Variants in ELAVL1 observed in about 807,000 individuals in gnomAD.
ELAVL1 encodes ELAV like RNA binding protein 1.
ELAVL1 carries 1 observed loss-of-function variant against 28.4 expected under a neutral mutation model. The observed-to-expected ratio is 0.04, with a 90% CI of 0.01 to 0.17. The LOEUF (loss-of-function observed/expected upper bound fraction) is 0.17, where lower values mean the gene tolerates loss of function less well. Among genes scored for constraint, ELAVL1 ranks in the 10% least tolerant of loss-of-function variants. The pLI is 1.00. For missense variants in ELAVL1, 157 were observed against 447.2 expected (o/e 0.35, Z 5.85); for synonymous variants, 174 against 183.5 (o/e 0.95, Z 0.42).
chr19:7,972,341 C>T (rs1335025978), intron 4 of ELAVL1, among the ~76,000 whole-genome samples: 2 of 152,352 alleles, frequency 1.3e-5, no homozygotes, highest in African/African-American at 2.4e-5. Context: ...GCAGTAGGGC[C>T]GGAGCACAGC....
rs950541069 is a variant in ELAVL1 at position 7,960,229 on chromosome 19, C to G, written c.*3254G>C. ...CCAAAGGGCCGGTCTTGGCTCCCAA[C>G]AGCAGCACGGTTCAGTCCCTGGAGG... On this transcript the variant is annotated 3_prime_UTR_variant, in exon 6 of 6. Coordinates refer to ENST00000407627, the MANE Select transcript of ELAVL1 (RefSeq NM_001419.3). The G allele has an allele frequency of 6.6e-6, 1 of 152,250 alleles. No individual in the cohort carries two copies. Among genetic ancestry groups the G allele is most frequent in the Admixed American group, 6.5e-5 (1 of 15,284 alleles). 9.4% of individuals were successfully genotyped at this position (152,250 alleles called of 1,614,324 possible).
chr19:7,978,784 G>A (rs1247729479), intron 3 of ELAVL1, among the ~76,000 whole-genome samples: 4 of 152,114 alleles, frequency 2.6e-5, no homozygotes, highest in African/African-American at 9.7e-5. Flanking sequence ...AGGTGAGGGC[G>A]GTCTTGTTGG....
At chr19:7,993,899 G>A (rs1032229808) in intron 1 of ELAVL1, among the ~76,000 whole-genome samples, 12 of 152,070 alleles carry the variant, frequency 7.9e-5, no homozygotes, top group Non-Finnish European at 1.3e-4. Context: ...CTGAATCAAC[G>A]CCGAGGGAAG....
Position 7,962,046 on chromosome 19 carries a change from C to T in ELAVL1, c.*1437G>A, listed in dbSNP as rs1984827008. On this transcript the variant is annotated 3_prime_UTR_variant, in exon 6 of 6. Coordinates refer to ENST00000407627, the MANE Select transcript of ELAVL1 (RefSeq NM_001419.3). The stretch of plus-strand genomic sequence containing the variant: ...CCAGTCCTGAGGAGTTTTGGGTGAT[C>T]TGGCCCTGCCTATTTCACAGGCTTT... 1 of 153,616 alleles carries T rather than the reference C, an allele frequency of 6.5e-6. No homozygotes were observed. Among genetic ancestry groups the T allele is most frequent in the Admixed American group, 6.5e-5 (1 of 15,276 alleles). 9.5% of individuals were successfully genotyped at this position (153,616 alleles called of 1,614,324 possible).
In ELAVL1 at chr19:7,982,309, T is replaced by A. The variant is rs1985485928; in HGVS notation, c.173-1123A>T. Among the ~76,000 whole-genome samples, 1 of 152,040 alleles carries A rather than the reference T, an allele frequency of 6.6e-6. No individual in the cohort carries two copies. Among genetic ancestry groups the A allele is most frequent in the Non-Finnish European group, 1.5e-5 (1 of 67,990 alleles). ...CATGCACTTGCAAGGCTGCTGAACATCTGCTGTGGGCCTGAGCCTCACCCA... is the reference window on the plus strand; with the variant it reads ...CATGCACTTGCAAGGCTGCTGAACAACTGCTGTGGGCCTGAGCCTCACCCA... On this transcript the variant is annotated intron_variant, in intron 2 of 5. Transcript: ENST00000407627. This position sits in a 1 kb window ranked among gnomAD's most constrained non-coding sequence, Gnocchi z 4.3.
rs1433748749 is a variant in ELAVL1 at position 7,958,661 on chromosome 19, G to A, written c.*4822C>T. On this transcript the variant is annotated 3_prime_UTR_variant, in exon 6 of 6. Coordinates refer to ENST00000407627, the MANE Select transcript of ELAVL1 (RefSeq NM_001419.3). ...AGCGTTTAACACGAACCTGATACCTGTAGAAAGAACTGAGTATCGGGACAA... is the reference window on the plus strand; with the variant it reads ...AGCGTTTAACACGAACCTGATACCTATAGAAAGAACTGAGTATCGGGACAA... 6.6e-6 allele frequency: 1 copy of A among 152,278 alleles called. No homozygotes were observed. Among genetic ancestry groups the A allele is most frequent in the Non-Finnish European group, 1.5e-5 (1 of 68,036 alleles). 9.4% of individuals were successfully genotyped at this position (152,278 alleles called of 1,614,324 possible).
intron 2 of ELAVL1, among the ~76,000 whole-genome samples, chr19:7,991,342 T>G (rs1568315577): frequency 6.6e-6 from 1 of 152,216 alleles, no homozygotes; most frequent in Non-Finnish European, 1.5e-5. Context: ...GGTCAGGCTG[T>G]GGTTCTCCAG....
intron 1 of ELAVL1, among the ~76,000 whole-genome samples, chr19:8,003,982 C>T (rs1445844353): frequency 2.0e-5 from 3 of 152,164 alleles, no homozygotes; most frequent in East Asian, 3.9e-4. Context: ...GGTTTTGAAT[C>T]AGAGGGCCCG....
intron 1 of ELAVL1, among the ~76,000 whole-genome samples, chr19:7,999,057 C>A (rs955411577): frequency 6.6e-6 from 1 of 152,210 alleles, no homozygotes; most frequent in African/African-American, 2.4e-5. Context: ...AGCCACTACA[C>A]CAGGCTGGCT....
At chr19:7,992,895 C>T (rs535431793) in intron 1 of ELAVL1, among the ~76,000 whole-genome samples, 4 of 152,324 alleles carry the variant, frequency 2.6e-5, no homozygotes, top group African/African-American at 4.8e-5. Context: ...CACACCTCAG[C>T]CTCCTGAGTA....
rs1268371468 is a variant in ELAVL1, at chr19:7,959,806, A to C, written c.*3677T>G. On this transcript the variant is annotated 3_prime_UTR_variant, in exon 6 of 6. Transcript: ENST00000407627. ...ACAGGAACCCCTGACCCCCAGAGTC[A>C]GCTAAACCCCAGGGGTCTCTGCTAA... is the stretch of plus-strand genomic sequence containing the variant. 6.6e-6 allele frequency: 1 copy of C among 151,940 alleles called. No homozygotes were observed. Among genetic ancestry groups the C allele is most frequent in the Non-Finnish European group, 1.5e-5 (1 of 68,000 alleles). The allele number at this position is 151,940 out of a possible 1,614,324, so 9.4% of individuals were successfully genotyped here. A position where few individuals can be genotyped will look rare whatever the true frequency, so the allele number is the denominator to read the frequency against.
chr19:7,974,418 A>G (rs944192647), intron 3 of ELAVL1, among the ~76,000 whole-genome samples: 1 of 152,248 alleles, frequency 6.6e-6, no homozygotes, highest in African/African-American at 2.4e-5. Context: ...TTGGATTTAT[A>G]TTTTGCAAAA....
At position 7,967,503 on chromosome 19, in the gene ELAVL1, G is replaced by A; in HGVS notation, c.656+62C>T. ...TCCCCGTGGTTTCTATTCTGTGGCT[G>A]TGCCGTCGCCTGCCAGCGGGGCTAA... On this transcript the variant is annotated intron_variant, in intron 5 of 5. Coordinates refer to ENST00000407627, the MANE Select transcript of ELAVL1 (RefSeq NM_001419.3). 3 of 1,554,630 alleles carry A rather than the reference G, an allele frequency of 1.9e-6. No homozygotes were observed. The East Asian group carries it at 7.0e-5, about 36-fold the overall frequency.
chr19:7,991,888 G>A, intron 1 of ELAVL1, 57 bp from the exon 2 acceptor site: 1 of 1,353,794 alleles, frequency 7.4e-7, no homozygotes, highest in Non-Finnish European at 9.9e-7. Flanking sequence ...GTATATGAAG[G>A]CAAAACTAGT....
intron 3 of ELAVL1, among the ~76,000 whole-genome samples, chr19:7,976,367 A>G (rs963341078): frequency 6.6e-6 from 1 of 151,690 alleles, no homozygotes; most frequent in Admixed American, 6.6e-5. Context: ...GCGCCACTGC[A>G]CTCCAGCCTG....
In ELAVL1 at chr19:7,981,060, CGGT is replaced by C; in HGVS notation, c.276+20_276+22del. ...CCTGTGCCCAGGGCAGGAATGGATGCGGTGGTGATCAGATCCCTTTACCTTAAT... is the reference window on the plus strand; with the variant it reads ...CCTGTGCCCAGGGCAGGAATGGATGCGGTGATCAGATCCCTTTACCTTAAT... On this transcript the variant is annotated intron_variant, in intron 3 of 5. Coordinates refer to ENST00000407627, the MANE Select transcript of ELAVL1 (RefSeq NM_001419.3). The surrounding 1 kb of genome is among the most constrained non-coding windows in gnomAD (Gnocchi z 4.2). 4 of 1,609,276 alleles carry C rather than the reference CGGT, an allele frequency of 2.5e-6. No homozygotes were observed. The highest frequency in any genetic ancestry group is 3.4e-6 in the Non-Finnish European group (4 of 1,175,960).
chr19:7,965,277 TG>T (rs1158410773), intron 5 of ELAVL1, among the ~76,000 whole-genome samples: 1 of 152,186 alleles, frequency 6.6e-6, no homozygotes, highest in Admixed American at 6.5e-5. Flanking sequence ...AAAGGGTCTA[TG>T]TTGTCCAGGC....
intron 1 of ELAVL1, among the ~76,000 whole-genome samples, chr19:7,995,911 G>C (rs1194602206): frequency 1.3e-5 from 2 of 148,528 alleles, no homozygotes; most frequent in Non-Finnish European, 3.0e-5. Flanking sequence ...CTTGTAGTCA[G>C]AACACTTTTT....
chr19:7,977,092 C>T (rs958944697), intron 3 of ELAVL1, among the ~76,000 whole-genome samples: 5 of 152,186 alleles, frequency 3.3e-5, no homozygotes, highest in African/African-American at 9.7e-5. Flanking sequence ...CTCAGGTGAA[C>T]GGCAGGCATC....
Sources: gnomAD v4.1 joint callset for allele counts (sites outside exome capture counted in the v4.1 genomes callset) on GRCh38, gnomAD v4.1.1 for gene constraint, Gnocchi (gnomAD v3.1) non-coding constraint, MANE v1.5 for transcripts, NCBI Gene and HGNC (gene_info 2026-07-23, HGNC 2026-07-21) for gene names.